Variants in ATXN1 observed in about 807,000 individuals in gnomAD.
The protein encoded by ATXN1 is ataxin 1.
In ATXN1, 8 loss-of-function variants were observed where a neutral mutation model predicts 56.4. The observed-to-expected ratio is 0.14, with a 90% CI of 0.08 to 0.26. The LOEUF (loss-of-function observed/expected upper bound fraction) is 0.26. ATXN1 is among the 10% of genes least tolerant of loss of function. ATXN1 has a pLI of 1.00. For synonymous variants in ATXN1, 514 were observed against 494.6 expected (o/e 1.04, Z -0.52); for missense variants, 987 against 1,106.5 (o/e 0.89, Z 1.53).
intron 3 of ATXN1, among the ~76,000 whole-genome samples, chr6:16,650,738 G>A (rs553582559): frequency 8.0e-4 from 122 of 152,244 alleles, no homozygotes; most frequent in African/African-American, 2.8e-3. Context: ...GCAGCCTATC[G>A]TTCAAACCCT....
chr6:16,376,807 T>A (rs902031215), intron 6 of ATXN1, among the ~76,000 whole-genome samples: 3 of 152,242 alleles, frequency 2.0e-5, no homozygotes, highest in Non-Finnish European at 4.4e-5. Flanking sequence ...CAAATTCTAC[T>A]TTTTGGACTC....
intron 3 of ATXN1, among the ~76,000 whole-genome samples, chr6:16,655,600 A>T (rs910613403): frequency 6.6e-6 from 1 of 152,184 alleles, no homozygotes; most frequent in African/African-American, 2.4e-5. Context: ...AATGACAGCC[A>T]GGATAGTCCC....
Position 16,303,802 on chromosome 6 carries a change from A to T in ATXN1, c.*2527T>A, listed in dbSNP as rs1315863678. Reference sequence around the variant, plus strand: ...GTAAATAGTGATATTAATGAGAACAAAGTCTATGTGGCAGCCCGTATTCCT... The same window carrying T: ...GTAAATAGTGATATTAATGAGAACATAGTCTATGTGGCAGCCCGTATTCCT... On this transcript the variant is annotated 3_prime_UTR_variant, in exon 8 of 8. Coordinates refer to ENST00000436367, the MANE Select transcript of ATXN1 (RefSeq NM_001128164.2). The surrounding 1 kb of genome is among the most constrained non-coding windows in gnomAD (Gnocchi z 4.3). The T allele has an allele frequency of 6.6e-6, 1 of 152,646 alleles. No individual in the cohort carries two copies. The highest frequency in any genetic ancestry group is 1.5e-5 in the Non-Finnish European group (1 of 68,042). 9.5% of individuals were successfully genotyped at this position (152,646 alleles called of 1,614,324 possible).
At chr6:16,713,842 A>G (rs1456325533) in intron 2 of ATXN1, among the ~76,000 whole-genome samples, 3 of 152,176 alleles carry the variant, frequency 2.0e-5, no homozygotes, top group African/African-American at 7.2e-5. Flanking sequence ...CAAACATTCA[A>G]TAAAATGTAA....
intron 6 of ATXN1, among the ~76,000 whole-genome samples, chr6:16,460,103 G>A (rs968986975): frequency 2.6e-5 from 4 of 152,106 alleles, no homozygotes; most frequent in Non-Finnish European, 5.9e-5. Flanking sequence ...ACAGCGAGAT[G>A]GCCAGGCCAC....
At chr6:16,540,806 G>A (rs1231969990) in intron 4 of ATXN1, among the ~76,000 whole-genome samples, 2 of 152,102 alleles carry the variant, frequency 1.3e-5, no homozygotes, top group Non-Finnish European at 2.9e-5. Flanking sequence ...ATTTACTTAT[G>A]AGTTCCTCTC....
chr6:16,403,215 A>G (rs915032717), intron 6 of ATXN1, among the ~76,000 whole-genome samples: 2 of 152,176 alleles, frequency 1.3e-5, no homozygotes, highest in African/African-American at 4.8e-5. Context: ...ACCAAGTTCA[A>G]CTTTGGAAAT....
intron 4 of ATXN1, among the ~76,000 whole-genome samples, chr6:16,565,584 T>A (rs769626767): frequency 1.6e-4 from 24 of 152,200 alleles, no homozygotes; most frequent in Admixed American, 2.6e-4. Flanking sequence ...ATAATAATAA[T>A]TTCCACATGA....
At position 16,617,610 on chromosome 6, in the gene ATXN1, C is replaced by T. The variant is rs971146213; in HGVS notation, c.-488-31703G>A. The stretch of plus-strand genomic sequence containing the variant: ...AAACCCCGTCTCTACTAAAAACACA[C>T]ACAAAAATTAGCCGGGCGTGGTGGC... On this transcript the variant is annotated intron_variant, in intron 3 of 7. Coordinates refer to ENST00000436367, the MANE Select transcript of ATXN1 (RefSeq NM_001128164.2). Among the ~76,000 whole-genome samples, 4 of 151,510 alleles carry T rather than the reference C, an allele frequency of 2.6e-5. No homozygotes were observed. In the East Asian group the frequency reaches 7.7e-4, roughly 29 times the overall value.
At chr6:16,701,340 AC>A (rs1759279142) in intron 2 of ATXN1, among the ~76,000 whole-genome samples, 1 of 152,222 alleles carries the variant, frequency 6.6e-6, no homozygotes. Flanking sequence ...CAAGCCATTA[AC>A]CCTTTTGGCC....
intron 6 of ATXN1, among the ~76,000 whole-genome samples, chr6:16,374,547 T>C (rs1762107815): frequency 6.6e-6 from 1 of 152,184 alleles, no homozygotes. Context: ...TGGACTTTAA[T>C]GAACAATCTT....
At position 16,558,934 on chromosome 6, in the gene ATXN1, C is replaced by T. The variant is rs762144555; in HGVS notation, c.-361+26846G>A. On this transcript the variant is annotated intron_variant, in intron 4 of 7. Transcript: ENST00000436367. Reference sequence around the variant, plus strand: ...ATGCTCCTAAAAAAAAAAGTCAATTCACAGGATAAACCAAAAACGTAGTAG... The same window carrying T: ...ATGCTCCTAAAAAAAAAAGTCAATTTACAGGATAAACCAAAAACGTAGTAG... Among the ~76,000 whole-genome samples the T allele has an allele frequency of 3.6e-4, 54 of 151,746 alleles. 2 individuals are homozygous for T. The highest frequency in any genetic ancestry group is 6.8e-3 in the Middle Eastern group (2 of 294).
chr6:16,373,769 C>T (rs1429767572), intron 6 of ATXN1, among the ~76,000 whole-genome samples: 2 of 152,190 alleles, frequency 1.3e-5, no homozygotes, highest in African/African-American at 2.4e-5. Context: ...GATTGTGAAG[C>T]CTCCCCAGCC....
chr6:16,508,988 T>C (rs1333967476), intron 5 of ATXN1, among the ~76,000 whole-genome samples: 1 of 152,194 alleles, frequency 6.6e-6, no homozygotes, highest in Non-Finnish European at 1.5e-5. Flanking sequence ...GAGGACATTA[T>C]GCTAAACAAA....
intron 6 of ATXN1, among the ~76,000 whole-genome samples, chr6:16,352,318 A>G (rs1761586642): frequency 6.6e-6 from 1 of 152,198 alleles, no homozygotes; most frequent in African/African-American, 2.4e-5. Context: ...CTCTCAACGG[A>G]GAGCCTGAAG....
At chr6:16,370,760 A>G (rs762695945) in intron 6 of ATXN1, among the ~76,000 whole-genome samples, 14 of 152,222 alleles carry the variant, frequency 9.2e-5, no homozygotes, top group Non-Finnish European at 1.3e-4. Flanking sequence ...TTAACATTGT[A>G]TTGTAACTAG....
chr6:16,504,467 A>ACC (rs1760944208), intron 5 of ATXN1, among the ~76,000 whole-genome samples: 1 of 152,208 alleles, frequency 6.6e-6, no homozygotes, highest in Admixed American at 6.5e-5. Flanking sequence ...ACCCCCAGAA[A>ACC]CTAATCATTT....
At chr6:16,667,801 A>G (rs1043537524) in intron 2 of ATXN1, among the ~76,000 whole-genome samples, 3 of 152,068 alleles carry the variant, frequency 2.0e-5, no homozygotes, top group Non-Finnish European at 2.9e-5. Context: ...TATTTCTCTC[A>G]CCTCAGATGG....
At chr6:16,460,097 C>T (rs1168668301) in intron 6 of ATXN1, among the ~76,000 whole-genome samples, 2 of 152,060 alleles carry the variant, frequency 1.3e-5, no homozygotes, top group African/African-American at 2.4e-5. Context: ...CCGGATACAG[C>T]GAGATGGCCA....
Sources: allele counts gnomAD v4.1 joint callset (sites outside exome capture counted in the v4.1 genomes callset), GRCh38; gene constraint gnomAD v4.1.1; non-coding constraint Gnocchi (gnomAD v3.1); transcripts MANE v1.5; gene names NCBI Gene and HGNC (gene_info 2026-07-23, HGNC 2026-07-21).